Variants in SGCD observed in about 807,000 individuals in gnomAD.
SGCD encodes delta-sarcoglycan.
A neutral mutation model predicts 36.6 loss-of-function variants in SGCD; 18 were observed. That is an observed-to-expected ratio of 0.49 (90% confidence interval 0.34 to 0.73). The LOEUF (loss-of-function observed/expected upper bound fraction) is 0.73, where lower values mean the gene tolerates loss of function less well. Among genes scored for constraint, SGCD ranks in the 30% least tolerant of loss-of-function variants. The probability of loss-of-function intolerance (pLI) is 0.01; values close to 1 mark genes in which losing one functional copy is unlikely to be tolerated. For synonymous variants in SGCD, 133 were observed against 130.6 expected (o/e 1.02, Z -0.12); for missense variants, 387 against 346.7 (o/e 1.12, Z -0.92).
chr5:156,460,693 G>C (rs1184596895), intron 3 of SGCD, among the ~76,000 whole-genome samples: 2 of 152,070 alleles, frequency 1.3e-5, no homozygotes, highest in Non-Finnish European at 2.9e-5. Context: ...GATAGTTAAG[G>C]GGTGACTCAC....
chr5:156,163,726 A>G (rs1763139730), intron 3 of SGCD, among the ~76,000 whole-genome samples: 1 of 151,584 alleles, frequency 6.6e-6, no homozygotes, highest in Non-Finnish European at 1.5e-5. Context: ...TATTATCAAA[A>G]GAAATCATTT....
intron 3 of SGCD, among the ~76,000 whole-genome samples, chr5:156,487,905 A>G (rs1335708561): frequency 2.0e-5 from 3 of 148,082 alleles, no homozygotes; most frequent in African/African-American, 7.3e-5. Context: ...GAAAGAAAAA[A>G]AAATACAAAG....
At chr5:155,973,189 T>C (rs1758041420) in intron 1 of SGCD, among the ~76,000 whole-genome samples, 1 of 152,200 alleles carries the variant, frequency 6.6e-6, no homozygotes, top group Non-Finnish European at 1.5e-5. Flanking sequence ...TCATCAGACT[T>C]GAGTAATTAT....
chr5:156,458,606 T>C, intron 3 of SGCD: 1 of 695,246 alleles, frequency 1.4e-6, no homozygotes, highest in Non-Finnish European at 2.5e-6. Context: ...CTCAGATTTT[T>C]ATTTGTAAAA....
chr5:155,830,649 T>C, the SGCD span, among the ~76,000 whole-genome samples: 1 of 152,250 alleles, frequency 6.6e-6, no homozygotes, highest in Non-Finnish European at 1.5e-5. Flanking sequence ...TAAAGACTTC[T>C]GTTAAAGACT....
At chr5:156,020,506 GT>G (rs35598606) in intron 1 of SGCD, among the ~76,000 whole-genome samples, 43,240 of 151,368 alleles carry the variant, frequency 0.29, 6,257 homozygotes, top group South Asian at 0.38. Flanking sequence ...GTTGTCCCTA[GT>G]TTTTTTTTAA....
chr5:156,160,829 G>A (rs1737476915), intron 3 of SGCD, among the ~76,000 whole-genome samples: 1 of 151,332 alleles, frequency 6.6e-6, no homozygotes, highest in South Asian at 2.1e-4. Context: ...TCCTATTCTT[G>A]CCTCTTCCCT....
the SGCD span, among the ~76,000 whole-genome samples, chr5:155,787,960 T>C: frequency 1.3e-5 from 2 of 152,118 alleles, no homozygotes; most frequent in Non-Finnish European, 2.9e-5. Context: ...CTGATAATAA[T>C]GACCAAAAAA....
the SGCD span, among the ~76,000 whole-genome samples, chr5:155,837,214 G>C: frequency 9.9e-5 from 15 of 152,078 alleles, no homozygotes; most frequent in African/African-American, 3.6e-4. Context: ...CTGGAGTGCA[G>C]TGGCATGATC....
intron 6 of SGCD, among the ~76,000 whole-genome samples, chr5:156,610,021 A>G (rs1022470592): frequency 2.0e-5 from 3 of 152,170 alleles, no homozygotes; most frequent in East Asian, 3.9e-4. Context: ...TAGTTTGATC[A>G]TCTGAAGCCT....
At chr5:156,220,868 C>T (rs893627391) in intron 3 of SGCD, among the ~76,000 whole-genome samples, 35 of 152,078 alleles carry the variant, frequency 2.3e-4, no homozygotes, top group Non-Finnish European at 1.5e-5. Context: ...TTGTGCATAG[C>T]AACAGGGAGT....
intron 3 of SGCD, among the ~76,000 whole-genome samples, chr5:156,183,461 G>A (rs1763657058): frequency 2.6e-5 from 4 of 152,096 alleles, no homozygotes; most frequent in Admixed American, 2.6e-4. Context: ...AGGCTGGATT[G>A]CAGTGGTACG....
At chr5:156,176,974 A>G (rs1763489094) in intron 3 of SGCD, among the ~76,000 whole-genome samples, 1 of 152,218 alleles carries the variant, frequency 6.6e-6, no homozygotes, top group African/African-American at 2.4e-5. Flanking sequence ...CTCTAAAACA[A>G]ACAAAAACAA....
chr5:156,010,201 G>A lies in SGCD; in HGVS notation c.-281-107677G>A, dbSNP rs1050115136. On this transcript the variant is annotated intron_variant, in intron 1 of 9. Coordinates refer to the SGCD transcript ENST00000517913. ...AAAAGTGGTACTTATCATAACTTTC[G>A]GCCTATTATAGAGATTCTATACATA... 2.6e-5 allele frequency among the ~76,000 whole-genome samples: 4 copies of A among 152,024 alleles called. No homozygotes were observed. In the South Asian group the frequency reaches 6.2e-4, roughly 24 times the overall value.
rs1561699543 is a variant in SGCD, at chr5:156,056,644, T to TAAAAAAAAAAAAAAAAAAAAAAA, written c.-281-61234_-281-61233insAAAAAAAAAAAAAAAAAAAAAAA. On this transcript the variant is annotated intron_variant, in intron 1 of 9. Transcript: ENST00000517913. Reference sequence around the variant, plus strand: ...TGGTCCCCTACCTGCCAAATTATCCTTAAAAAAAAAAAAAAAAAAAACAGT... The same window carrying TAAAAAAAAAAAAAAAAAAAAAAA: ...TGGTCCCCTACCTGCCAAATTATCCTAAAAAAAAAAAAAAAAAAAAAAATAAAAAAAAAAAAAAAAAAAACAGT... Among the ~76,000 whole-genome samples, 4 of 64,764 alleles carry TAAAAAAAAAAAAAAAAAAAAAAA rather than the reference T, an allele frequency of 6.2e-5. No homozygotes were observed. In the East Asian group the frequency reaches 4.5e-3, roughly 73 times the overall value. The allele number at this position is 64,764 out of a possible 152,430, so 42.5% of individuals were successfully genotyped here.
the SGCD span, among the ~76,000 whole-genome samples, chr5:155,858,153 T>C: frequency 5.8e-4 from 88 of 151,690 alleles, no homozygotes; most frequent in African/African-American, 2.1e-3. Context: ...CTATTGTCTG[T>C]GTTTCATTTT....
intron 3 of SGCD, among the ~76,000 whole-genome samples, chr5:156,457,357 G>T (rs1754306738): frequency 6.6e-6 from 1 of 152,130 alleles, no homozygotes; most frequent in Non-Finnish European, 1.5e-5. Flanking sequence ...TGTAGTAGTT[G>T]TTCACAGGAA....
At chr5:156,573,701 A>T (rs975542176) in intron 4 of SGCD, among the ~76,000 whole-genome samples, 2 of 151,844 alleles carry the variant, frequency 1.3e-5, no homozygotes, top group African/African-American at 4.8e-5. Context: ...TTTTTTATTA[A>T]TTTTTTTAGA....
At chr5:156,549,630 G>A (rs1301037460) in intron 4 of SGCD, among the ~76,000 whole-genome samples, 2 of 152,212 alleles carry the variant, frequency 1.3e-5, no homozygotes, top group African/African-American at 4.8e-5. Flanking sequence ...CCACATTCAT[G>A]GCATTTGCTA....
Sources: gnomAD v4.1 joint callset for allele counts (sites outside exome capture counted in the v4.1 genomes callset) on GRCh38, gnomAD v4.1.1 for gene constraint, MANE v1.5 for transcripts, NCBI Gene and HGNC (gene_info 2026-07-23, HGNC 2026-07-21) for gene names.